GABPB2: variants seen among roughly 807,000 people sequenced by gnomAD.
GABPB2 encodes the protein GA-binding protein subunit beta-2.
A neutral mutation model predicts 39.1 loss-of-function variants in GABPB2; 23 were observed. The ratio of observed to expected loss-of-function variants is 0.59; its 90% CI spans 0.42 to 0.83. GABPB2 has a LOEUF of 0.83. Among genes scored for constraint, GABPB2 ranks in the 40% least tolerant of loss-of-function variants. The pLI is 0.00. For synonymous variants in GABPB2, 184 were observed against 199.3 expected (o/e 0.92, Z 0.65); for missense variants, 467 against 541.1 (o/e 0.86, Z 1.36).
chr1:151,118,559 C>T lies in GABPB2; in HGVS notation c.*303C>T, dbSNP rs1311058955. 1 of 250,102 alleles carries T rather than the reference C, an allele frequency of 4.0e-6. No individual in the cohort carries two copies. The highest frequency in any genetic ancestry group is 7.7e-6 in the Non-Finnish European group (1 of 130,636). The allele number at this position is 250,102 out of a possible 1,614,324, so 15.5% of individuals were successfully genotyped here. On this transcript the variant is annotated 3_prime_UTR_variant, in exon 9 of 9. Transcript: ENST00000368918. Reference sequence around the variant, plus strand: ...GGGTTGATTTTTTTTTTTTAAATAACTGACTTTCTCACAAAAGATTTTAAG... The same window carrying T: ...GGGTTGATTTTTTTTTTTTAAATAATTGACTTTCTCACAAAAGATTTTAAG...
Position 151,085,510 on chromosome 1 carries a change from G to A in GABPB2, c.1-2680G>A, listed in dbSNP as rs933313133. On this transcript the variant is annotated intron_variant, in intron 1 of 8. Transcript: ENST00000368918. Reference sequence around the variant, plus strand: ...GGCTGGAGTGCGGTGGCACAATCTCGGCTCACTGCAAGCTCCGCCTCCAGG... The same window carrying A: ...GGCTGGAGTGCGGTGGCACAATCTCAGCTCACTGCAAGCTCCGCCTCCAGG... Among the ~76,000 whole-genome samples, 4 of 152,048 alleles carry A rather than the reference G, an allele frequency of 2.6e-5. No homozygotes were observed. The East Asian group carries it at 7.7e-4, about 29-fold the overall frequency.
At chr1:151,088,733 G>A (rs1346299934) in intron 2 of GABPB2, among the ~76,000 whole-genome samples, 3 of 152,170 alleles carry the variant, frequency 2.0e-5, no homozygotes, top group Admixed American at 6.6e-5. Context: ...GAGCGTGGTG[G>A]CTCACGCCTG....
Position 151,104,929 on chromosome 1 carries a change from G to C in GABPB2, c.736+1254G>C, listed in dbSNP as rs1558151731. Among the ~76,000 whole-genome samples the C allele has an allele frequency of 2.0e-5, 3 of 149,042 alleles. No individual in the cohort carries two copies. The Admixed American group carries it at 2.0e-4, about 10-fold the overall frequency. On this transcript the variant is annotated intron_variant, in intron 6 of 8. Transcript: ENST00000368918. ...CTTTCTTTCTTTCCTTCTTGAGACAGAGTCTCACTCTGTCACCCAGGCTGG... is the reference window on the plus strand; with the variant it reads ...CTTTCTTTCTTTCCTTCTTGAGACACAGTCTCACTCTGTCACCCAGGCTGG...
intron 7 of GABPB2, among the ~76,000 whole-genome samples, chr1:151,114,466 G>A (rs973465242): frequency 3.9e-5 from 6 of 151,922 alleles, no homozygotes; most frequent in African/African-American, 1.5e-4. Context: ...TTGGGAGGCC[G>A]AGGTGGACGG....
intron 3 of GABPB2, among the ~76,000 whole-genome samples, chr1:151,092,568 A>G (rs1382929933): frequency 2.8e-5 from 4 of 144,774 alleles, no homozygotes; most frequent in South Asian, 2.2e-4. Flanking sequence ...TTTCCAATTT[A>G]TTATTATTAT....
intron 1 of GABPB2, among the ~76,000 whole-genome samples, chr1:151,081,263 C>T (rs1208571532): frequency 2.0e-5 from 3 of 151,686 alleles, no homozygotes; most frequent in Non-Finnish European, 2.9e-5. Flanking sequence ...CTGAGGCCAG[C>T]GGATCACTTG....
In GABPB2 at chr1:151,118,099, C is replaced by G. The variant is rs895681741; in HGVS notation, c.1190C>G (p.Pro397Arg). 2.5e-6 allele frequency: 4 copies of G among 1,614,030 alleles called. No individual in the cohort carries two copies. In the South Asian group the frequency reaches 4.4e-5, roughly 18 times the overall value. Residue 397 changes from proline to arginine, a missense_variant, in exon 9 of 9, where the codon CCC becomes CGC. Coordinates refer to ENST00000368918, the MANE Select transcript of GABPB2 (RefSeq NM_144618.3). The stretch of plus-strand genomic sequence containing the variant: ...CTGGAGGCCATAGCCCGACAGCAGC[C>G]CAATGGAGTTGATTTCACCATGGTT... ...LKLEAIARQQ[P>R]NGVDFTMVEE...
chr1:151,121,770 A>T lies in GABPB2; in HGVS notation c.*3514A>T, dbSNP rs1279541656. The stretch of plus-strand genomic sequence containing the variant: ...TGCTGGGTTTTCTTTGTATGTCAGC[A>T]TGGAGTTTTTCCCAAAGAAAGGGAA... On this transcript the variant is annotated 3_prime_UTR_variant, in exon 9 of 9. Coordinates refer to ENST00000368918, the MANE Select transcript of GABPB2 (RefSeq NM_144618.3). 1 of 152,200 alleles carries T rather than the reference A, an allele frequency of 6.6e-6. No individual in the cohort carries two copies. Among genetic ancestry groups the T allele is most frequent in the African/African-American group, 2.4e-5 (1 of 41,450 alleles). 9.4% of individuals were successfully genotyped at this position (152,200 alleles called of 1,614,324 possible). A position where few individuals can be genotyped will look rare whatever the true frequency, so the allele number is the denominator to read the frequency against.
chr1:151,084,040 T>C (rs1040630343), intron 1 of GABPB2, among the ~76,000 whole-genome samples: 1 of 150,106 alleles, frequency 6.7e-6, no homozygotes, highest in Non-Finnish European at 1.5e-5. Flanking sequence ...TGCCCATCCT[T>C]TTATTTTTAT....
chr1:151,076,150 ACTC>A (rs1453758173), intron 1 of GABPB2, among the ~76,000 whole-genome samples: 1 of 152,166 alleles, frequency 6.6e-6, no homozygotes, highest in Non-Finnish European at 1.5e-5. Flanking sequence ...ACAGCAATAT[ACTC>A]CTCAACAGTA....
chr1:151,110,617 C>T (rs1571980524), intron 7 of GABPB2, among the ~76,000 whole-genome samples: 1 of 152,154 alleles, frequency 6.6e-6, no homozygotes, highest in African/African-American at 2.4e-5. Flanking sequence ...CAAGCCACCA[C>T]ACCCAGCTAA....
At chr1:151,108,157 C>T (rs756259886) in intron 7 of GABPB2, among the ~76,000 whole-genome samples, 2 of 151,860 alleles carry the variant, frequency 1.3e-5, no homozygotes, top group Non-Finnish European at 2.9e-5. Flanking sequence ...TAAAGATGTA[C>T]CTTTGGGTTT....
chr1:151,092,813 G>A (rs917458960), intron 3 of GABPB2, among the ~76,000 whole-genome samples: 3 of 152,010 alleles, frequency 2.0e-5, no homozygotes, highest in Non-Finnish European at 4.4e-5. Flanking sequence ...CTGAGCTCAA[G>A]CTTTTCTAAT....
intron 7 of GABPB2, among the ~76,000 whole-genome samples, chr1:151,109,355 T>TACACAA (rs1680215185): frequency 3.3e-4 from 6 of 18,010 alleles, no homozygotes; most frequent in East Asian, 3.5e-3. Flanking sequence ...TATATATATA[T>TACACAA]ATATATATAT....
intron 7 of GABPB2, among the ~76,000 whole-genome samples, chr1:151,109,831 G>A (rs1408411462): frequency 3.3e-5 from 5 of 150,826 alleles, no homozygotes; most frequent in Non-Finnish European, 7.4e-5. Flanking sequence ...CACCACACCT[G>A]GCTAATTTTT....
intron 6 of GABPB2, among the ~76,000 whole-genome samples, chr1:151,106,237 C>T (rs1331215026): frequency 1.3e-5 from 2 of 151,620 alleles, no homozygotes; most frequent in African/African-American, 4.8e-5. Flanking sequence ...GCTGGGATTA[C>T]AGGCGTGAGC....
intron 1 of GABPB2, among the ~76,000 whole-genome samples, 200 bp downstream of exon 1, chr1:151,071,134 C>T (rs1676672488): frequency 6.7e-6 from 1 of 149,402 alleles, no homozygotes; most frequent in Non-Finnish European, 1.5e-5. Context: ...GGGGAGGGGA[C>T]TGGAAGGAGG....
At chr1:151,073,385 C>G (rs763686553) in intron 1 of GABPB2, among the ~76,000 whole-genome samples, 1 of 152,080 alleles carries the variant, frequency 6.6e-6, no homozygotes, top group Non-Finnish European at 1.5e-5. Flanking sequence ...GTACAGCCAG[C>G]AAGGGAGAAC....
chr1:151,089,094 G>A (rs1463260770), intron 2 of GABPB2, among the ~76,000 whole-genome samples: 1 of 152,108 alleles, frequency 6.6e-6, no homozygotes, highest in Non-Finnish European at 1.5e-5. Context: ...GGAGACCAAA[G>A]ACTTTCAGAA....
Sources: gnomAD v4.1 joint callset for allele counts (sites outside exome capture counted in the v4.1 genomes callset) on GRCh38, gnomAD v4.1.1 for gene constraint, MANE v1.5 for transcripts, NCBI Gene and HGNC (gene_info 2026-07-23, HGNC 2026-07-21) for gene names.